Variants in COQ8A observed in about 807,000 individuals in gnomAD.
The protein encoded by COQ8A is coenzyme Q8A.
In COQ8A, 51 loss-of-function variants were observed where a neutral mutation model predicts 65.0. The observed-to-expected ratio is 0.78, with a 90% CI of 0.63 to 0.99. COQ8A has a LOEUF of 0.99. COQ8A is among the 50% of genes least tolerant of loss of function. The probability of loss-of-function intolerance (pLI) is 0.00; values close to 1 mark genes in which losing one functional copy is unlikely to be tolerated. For missense variants in COQ8A, 940 were observed against 875.0 expected (o/e 1.07, Z -0.94); for synonymous variants, 371 against 353.2 (o/e 1.05, Z -0.57).
chr1:226,985,005 G>T (rs143631631), intron 13 of COQ8A, 64 bp downstream of exon 13: 4 of 1,584,374 alleles, frequency 2.5e-6, no homozygotes, highest in Non-Finnish European at 3.5e-6. Context: ...GATGCTGGGG[G>T]ACTCGGGGTA....
chr1:226,974,369 G>A (rs1001566248), intron 4 of COQ8A, among the ~76,000 whole-genome samples: 1 of 152,260 alleles, frequency 6.6e-6, no homozygotes, highest in Non-Finnish European at 1.5e-5. Flanking sequence ...TGGAGCTTGT[G>A]CTGGGGCTGG....
intron 1 of COQ8A, among the ~76,000 whole-genome samples, chr1:226,956,689 C>T (rs1227278950): frequency 6.7e-5 from 7 of 105,218 alleles, no homozygotes; most frequent in South Asian, 4.2e-4. Context: ...CTCTCCCTGG[C>T]TCCCACTCTC....
chr1:226,967,413 C>G (rs1382880924), intron 4 of COQ8A, among the ~76,000 whole-genome samples: 2 of 152,140 alleles, frequency 1.3e-5, no homozygotes, highest in Non-Finnish European at 2.9e-5. Flanking sequence ...TGTTTCAGGA[C>G]TGGTGCAGTC....
rs1572089312 is a variant in COQ8A, at chr1:226,986,508, C to T, written c.1715C>T (p.Ser572Phe). The T allele has an allele frequency of 6.2e-7, 1 of 1,613,784 alleles. No homozygotes were observed. The highest frequency in any genetic ancestry group is 8.5e-7 in the Non-Finnish European group (1 of 1,180,002). The change falls in exon 15 of 15, where the codon TCT (serine) becomes TTT (phenylalanine). Residue 572 changes from serine (S) to phenylalanine (F), a missense_variant. Ser to Phe is a radical substitution (Grantham distance 155, BLOSUM62 -2). Transcript: ENST00000366777. Reference protein sequence around the residue: ...AILILGEAFASDEPFDFGTQS... With the variant: ...AILILGEAFAFDEPFDFGTQS... The stretch of plus-strand genomic sequence containing the variant: ...CTCATCCTGGGGGAGGCCTTCGCCT[C>T]TGATGAGCCTTTTGATTTTGGCACT...
intron 4 of COQ8A, among the ~76,000 whole-genome samples, chr1:226,975,580 T>C (rs1345173183): frequency 6.6e-6 from 1 of 152,260 alleles, no homozygotes; most frequent in African/African-American, 2.4e-5. Context: ...TCTTCTTGCC[T>C]TTTTCAGTGT....
intron 1 of COQ8A, among the ~76,000 whole-genome samples, chr1:226,945,598 T>C (rs1323609650): frequency 1.3e-5 from 2 of 152,208 alleles, no homozygotes; most frequent in Non-Finnish European, 2.9e-5. Flanking sequence ...ATCCTGTGGC[T>C]CTTGCTCCCT....
chr1:226,967,527 G>A (rs989742318), intron 4 of COQ8A, among the ~76,000 whole-genome samples: 1 of 152,230 alleles, frequency 6.6e-6, no homozygotes, highest in African/African-American at 2.4e-5. Flanking sequence ...TTAGAATCTG[G>A]TGGAGCACCA....
chr1:226,967,589 A>T (rs1399440034), intron 4 of COQ8A, among the ~76,000 whole-genome samples: 3 of 152,266 alleles, frequency 2.0e-5, no homozygotes, highest in African/African-American at 7.2e-5. Flanking sequence ...TGACGGGTTA[A>T]GGAAGACAGA....
intron 1 of COQ8A, among the ~76,000 whole-genome samples, chr1:226,943,239 A>G (rs1174607757): frequency 3.3e-5 from 5 of 152,266 alleles, no homozygotes. Flanking sequence ...CTGAGTCATT[A>G]TCTTTGTCCG....
rs372467757 is a variant in COQ8A, at chr1:226,987,203, T to C, written c.*466T>C. The stretch of plus-strand genomic sequence containing the variant: ...TTCTGCCCTTTTCCTCTCCAGCCGA[T>C]GGGCTGGAGCTGGGAGAGGTGCTGA... On this transcript the variant is annotated 3_prime_UTR_variant, in exon 15 of 15. Coordinates refer to ENST00000366777, the MANE Select transcript of COQ8A (RefSeq NM_020247.5). 2 of 192,140 alleles carry C rather than the reference T, an allele frequency of 1.0e-5. No individual in the cohort carries two copies. The highest frequency in any genetic ancestry group is 2.8e-4 in the East Asian group (2 of 7,046). 11.9% of individuals were successfully genotyped at this position (192,140 alleles called of 1,614,324 possible).
At chr1:226,955,237 A>G (rs996654716) in intron 1 of COQ8A, among the ~76,000 whole-genome samples, 39 of 152,062 alleles carry the variant, frequency 2.6e-4, no homozygotes, top group East Asian at 1.3e-3. Flanking sequence ...CGTACTTCCT[A>G]TAGGAGGTAC....
chr1:226,957,567 CAGTG>C (rs1038373236), intron 1 of COQ8A, among the ~76,000 whole-genome samples: 2 of 152,152 alleles, frequency 1.3e-5, no homozygotes, highest in African/African-American at 4.8e-5. Flanking sequence ...GAGTGACAGA[CAGTG>C]AGTTTTGGCT....
intron 1 of COQ8A, among the ~76,000 whole-genome samples, chr1:226,950,380 T>C (rs973806745): frequency 6.6e-6 from 1 of 152,236 alleles, no homozygotes; most frequent in Admixed American, 6.5e-5. Flanking sequence ...GTTTGCAGCC[T>C]GGGACATCAA....
At position 226,968,971 on chromosome 1, in the gene COQ8A, A is replaced by T. The variant is rs139976786; in HGVS notation, c.655+3234A>T. Among the ~76,000 whole-genome samples the T allele has an allele frequency of 2.7e-3, 414 of 152,336 alleles. 6 individuals are homozygous for T. The highest frequency in any genetic ancestry group is 5.6e-4 in the Non-Finnish European group (38 of 68,034). On this transcript the variant is annotated intron_variant, in intron 4 of 14. Coordinates refer to ENST00000366777, the MANE Select transcript of COQ8A (RefSeq NM_020247.5). ...ATCATAATAGCTGTCCTTTGATTAC[A>T]ACTGTGCTTCCAGTGTGACCTTGGG...
intron 1 of COQ8A, among the ~76,000 whole-genome samples, chr1:226,953,456 G>A (rs1305357156): frequency 1.3e-5 from 2 of 152,252 alleles, no homozygotes; most frequent in African/African-American, 4.8e-5. Context: ...TTTTTAGGGA[G>A]ATGTAATTTG....
rs1396595082 is a variant in COQ8A at position 226,965,410 on chromosome 1, GGTGC to G, written c.588+3_588+6del. On this transcript the variant is annotated splice_donor_variant and splice_donor_region_variant and intron_variant, in intron 3 of 14. Transcript: ENST00000366777. LOFTEE classifies it high-confidence loss of function. ...CCGAGAACAAGCAGCACAAACAGAC[GGTGC>G]GTATGGGAGGCCCCTGGAGGGCCGA... is the stretch of plus-strand genomic sequence containing the variant. 7 of 1,607,350 alleles carry G rather than the reference GGTGC, an allele frequency of 4.4e-6. No homozygotes were observed. Among genetic ancestry groups the G allele is most frequent in the Non-Finnish European group, 5.9e-6 (7 of 1,178,226 alleles).
At chr1:226,952,604 A>G (rs1657453283) in intron 1 of COQ8A, among the ~76,000 whole-genome samples, 2 of 151,914 alleles carry the variant, frequency 1.3e-5, no homozygotes, top group Non-Finnish European at 2.9e-5. Context: ...AGAGATGGGG[A>G]TGTCCCTGTG....
Position 226,982,901 on chromosome 1 carries a change from TCAA to T in COQ8A, c.952_954del (p.Asn318del), listed in dbSNP as rs759061098. 5.6e-6 allele frequency: 9 copies of T among 1,612,574 alleles called. No individual in the cohort carries two copies. Among genetic ancestry groups the T allele is most frequent in the Middle Eastern group, 1.6e-4 (1 of 6,070 alleles). On this transcript the variant is annotated inframe_deletion, in exon 8 of 15. Coordinates refer to ENST00000366777, the MANE Select transcript of COQ8A (RefSeq NM_020247.5). ...CCTGGCCCTGCCCTTCAGAAAACTCTCAACAACGACCTGGGCCCCAACTGGCGG... is the reference window on the plus strand; with the variant it reads ...CCTGGCCCTGCCCTTCAGAAAACTCTCAACGACCTGGGCCCCAACTGGCGG...
rs751042244 is a variant in COQ8A at position 226,965,136 on chromosome 1, C to A, written c.314C>A (p.Pro105Gln). Residue 105 changes from proline to glutamine, a missense_variant, in exon 3 of 15, where the codon CCA (proline) becomes CAA (glutamine). Transcript: ENST00000366777. The stretch of plus-strand genomic sequence containing the variant: ...TCCGCTCCCGACCAGTCAGCGCCCC[C>A]ATCCCTGGGTCATGCCCACAGCGAG... ...SASAPDQSAP[P>Q]SLGHAHSEGP... 4.2e-5 allele frequency: 67 copies of A among 1,613,876 alleles called. No individual in the cohort carries two copies. In the Middle Eastern group the frequency reaches 8.2e-4, roughly 20 times the overall value.
Sources: gnomAD v4.1 joint callset for allele counts (sites outside exome capture counted in the v4.1 genomes callset) on GRCh38, gnomAD v4.1.1 for gene constraint, MANE v1.5 for transcripts, NCBI Gene and HGNC (gene_info 2026-07-23, HGNC 2026-07-21) for gene names.